Variants in KLHL14 observed in about 807,000 individuals in gnomAD.
KLHL14 encodes kelch-like protein 14.
In KLHL14, 22 loss-of-function variants were observed where a neutral mutation model predicts 64.3. The observed-to-expected ratio is 0.34, with a 90% CI of 0.24 to 0.49. KLHL14 has a LOEUF of 0.49. KLHL14 is among the 20% of genes least tolerant of loss of function. KLHL14 has a pLI of 0.99. For missense variants in KLHL14, 661 were observed against 789.0 expected, an observed-to-expected ratio of 0.84 and a Z score of 1.94; for synonymous variants, 322 against 333.4, an observed-to-expected ratio of 0.97 and a Z score of 0.37.
chr18:32,752,836 T>C (rs1022105929), intron 2 of KLHL14, among the ~76,000 whole-genome samples: 91 of 137,870 alleles, frequency 6.6e-4, no homozygotes, highest in African/African-American at 2.5e-3. Flanking sequence ...CAGGCTGGAG[T>C]GCAGTGGCGG....
chr18:32,728,903 A>G (rs2050120604), intron 3 of KLHL14, among the ~76,000 whole-genome samples: 1 of 152,154 alleles, frequency 6.6e-6, no homozygotes, highest in African/African-American at 2.4e-5. Context: ...GAAGTTAGGA[A>G]GGAGGAAGGA....
At chr18:32,748,644 G>A (rs1047146933) in intron 2 of KLHL14, among the ~76,000 whole-genome samples, 3 of 126,820 alleles carry the variant, frequency 2.4e-5, no homozygotes, top group African/African-American at 5.8e-5. Context: ...GTGAGCCACC[G>A]CACCAGGCTT....
chr18:32,679,938 A>T (rs531494381), intron 7 of KLHL14, among the ~76,000 whole-genome samples: 1 of 152,252 alleles, frequency 6.6e-6, no homozygotes, highest in East Asian at 1.9e-4. Context: ...TTCTGTAGAC[A>T]TCATTATCCT....
intron 3 of KLHL14, among the ~76,000 whole-genome samples, chr18:32,730,572 A>G (rs1241718799): frequency 6.6e-6 from 1 of 152,224 alleles, no homozygotes; most frequent in Admixed American, 6.5e-5. Flanking sequence ...TTACAACAAG[A>G]CAAAAGCATT....
intron 2 of KLHL14, among the ~76,000 whole-genome samples, chr18:32,750,481 C>T (rs2050245850): frequency 1.3e-5 from 2 of 152,154 alleles, no homozygotes; most frequent in Admixed American, 6.5e-5. Flanking sequence ...CCATATGTTA[C>T]ACTGTATATA....
At chr18:32,732,148 C>T (rs1462780471) in intron 3 of KLHL14, among the ~76,000 whole-genome samples, 4 of 152,194 alleles carry the variant, frequency 2.6e-5, no homozygotes, top group African/African-American at 4.8e-5. Flanking sequence ...TGCTTGAACC[C>T]GGGAGGTGGA....
chr18:32,705,780 G>A (rs550592728), intron 3 of KLHL14, among the ~76,000 whole-genome samples: 3 of 152,278 alleles, frequency 2.0e-5, no homozygotes, highest in Admixed American at 2.0e-4. Context: ...TTTAATTGAG[G>A]CCTGCGAAAA....
At chr18:32,702,344 T>G (rs1348543509) in intron 3 of KLHL14, among the ~76,000 whole-genome samples, 5 of 139,646 alleles carry the variant, frequency 3.6e-5, no homozygotes, top group East Asian at 2.0e-4. Flanking sequence ...GTTTTTTGTT[T>G]TTTTTTTTTT....
intron 3 of KLHL14, among the ~76,000 whole-genome samples, chr18:32,708,482 C>T (rs984251903): frequency 6.6e-5 from 10 of 152,158 alleles, no homozygotes; most frequent in African/African-American, 2.4e-4. Context: ...TAGCAGCGTG[C>T]CCTATTCAAT....
chr18:32,763,278 C>T (rs1335374073), intron 2 of KLHL14, among the ~76,000 whole-genome samples: 3 of 152,022 alleles, frequency 2.0e-5, no homozygotes, highest in Non-Finnish European at 1.5e-5. Context: ...TGCTGTAGAC[C>T]AGAAGGATAG....
At chr18:32,736,509 TC>T (rs1372722333) in intron 3 of KLHL14, among the ~76,000 whole-genome samples, 1 of 152,094 alleles carries the variant, frequency 6.6e-6, no homozygotes, top group African/African-American at 2.4e-5. Flanking sequence ...AATATTTAGA[TC>T]CCTGTTTTTT....
Position 32,770,057 on chromosome 18 carries a change from C to T in KLHL14, c.535G>A (p.Asp179Asn). Residue 179 changes from aspartate to asparagine, a missense_variant, in exon 2 of 9, where the codon GAC becomes AAC. Physicochemically the swap from Asp to Asn is conservative, Grantham distance 23. This residue lies in a region of KLHL14 where 331 missense variants were observed against 339.0 expected (regional missense o/e 0.98). Transcript: ENST00000359358. This position sits in a 1 kb window ranked among gnomAD's most constrained non-coding sequence, Gnocchi z 6.7. The part of the protein sequence containing the change: ...VTKLCVQFLN[D>N]QISVQNYKQV... ...TTGTAGTTCTGCACCGAGATCTGGTCGTTGAGGAACTGCACGCAGAGCTTG... is the reference window on the plus strand; with the variant it reads ...TTGTAGTTCTGCACCGAGATCTGGTTGTTGAGGAACTGCACGCAGAGCTTG... The T allele has an allele frequency of 2.5e-6, 4 of 1,614,078 alleles. No homozygotes were observed. The highest frequency in any genetic ancestry group is 2.5e-6 in the Non-Finnish European group (3 of 1,180,014).
intron 7 of KLHL14, among the ~76,000 whole-genome samples, chr18:32,678,898 ATG>A (rs2049824218): frequency 6.6e-6 from 1 of 152,162 alleles, no homozygotes; most frequent in South Asian, 2.1e-4. Flanking sequence ...CTAACCTTAA[ATG>A]TTAGAAGATC....
In KLHL14 at chr18:32,687,013, C is replaced by G. The variant is rs554531630; in HGVS notation, c.1238+142G>C. 676 of 641,510 alleles carry G rather than the reference C, an allele frequency of 1.1e-3. 2 individuals carry two copies. Among genetic ancestry groups the G allele is most frequent in the South Asian group, 4.2e-3 (200 of 47,462 alleles). 39.7% of individuals were successfully genotyped at this position (641,510 alleles called of 1,614,324 possible). A position where few individuals can be genotyped will look rare whatever the true frequency, so the allele number is the denominator to read the frequency against. On this transcript the variant is annotated intron_variant, in intron 5 of 8. Coordinates refer to ENST00000359358, the MANE Select transcript of KLHL14 (RefSeq NM_020805.3). ...GAATTAACAAGGGAGGTCATGTAAACTGGCTAGGCCAAGTTTTCTATTTTG... is the reference window on the plus strand; with the variant it reads ...GAATTAACAAGGGAGGTCATGTAAAGTGGCTAGGCCAAGTTTTCTATTTTG...
Position 32,684,959 on chromosome 18 carries a change from G to A in KLHL14, c.1238+2196C>T, listed in dbSNP as rs556446643. ...GGAGAGATGGAGCTGCAAGATTGAC[G>A]GGGCATTTGTGAGATCTGCCTTTTC... On this transcript the variant is annotated intron_variant, in intron 5 of 8. Transcript: ENST00000359358. Among the ~76,000 whole-genome samples the A allele has an allele frequency of 1.5e-4, 23 of 152,186 alleles. No individual in the cohort carries two copies. In the South Asian group the frequency reaches 3.5e-3, roughly 23 times the overall value.
In KLHL14 at chr18:32,734,780, T is replaced by TAA; in HGVS notation, c.1069+7146_1069+7147dup. ...AGTACAATTATCTTTAATTTGCAGA[T>TAA]AAGATTAAAAGATCAGAGAGTAAGC... On this transcript the variant is annotated intron_variant, in intron 3 of 8. Coordinates refer to ENST00000359358, the MANE Select transcript of KLHL14 (RefSeq NM_020805.3). Among the ~76,000 whole-genome samples, 3 of 152,314 alleles carry TAA rather than the reference T, an allele frequency of 2.0e-5. No homozygotes were observed. The South Asian group carries it at 6.2e-4, about 32-fold the overall frequency.
At chr18:32,707,667 T>G (rs1481641893) in intron 3 of KLHL14, among the ~76,000 whole-genome samples, 1 of 152,170 alleles carries the variant, frequency 6.6e-6, no homozygotes, top group Non-Finnish European at 1.5e-5. Flanking sequence ...TAACCAAGCT[T>G]CCCTGGTAGA....
At chr18:32,748,531 G>A (rs1015878168) in intron 2 of KLHL14, among the ~76,000 whole-genome samples, 5 of 152,036 alleles carry the variant, frequency 3.3e-5, no homozygotes, top group African/African-American at 1.2e-4. Context: ...CATCACGCCT[G>A]GCTAATTTTT....
intron 1 of KLHL14, chr18:32,772,195 C>T (rs1483834004): frequency 2.6e-6 from 1 of 390,488 alleles, no homozygotes; most frequent in South Asian, 1.8e-5. Context: ...CACTGCGGCT[C>T]ACTCTGCCCT....
Sources: gnomAD v4.1 joint callset for allele counts (sites outside exome capture counted in the v4.1 genomes callset) on GRCh38, gnomAD v4.1.1 for gene constraint, gnomAD v4.1.1 regional missense constraint, Gnocchi (gnomAD v3.1) non-coding constraint, MANE v1.5 for transcripts, NCBI Gene and HGNC (gene_info 2026-07-23, HGNC 2026-07-21) for gene names.